The following ADAM23 variants were observed in gnomAD, a reference collection of about 807,000 sequenced individuals.
The protein encoded by ADAM23 is ADAM metallopeptidase domain 23.
ADAM23 carries 33 observed loss-of-function variants against 120.1 expected under a neutral mutation model. The observed-to-expected ratio is 0.27, with a 90% CI of 0.21 to 0.37. The LOEUF (loss-of-function observed/expected upper bound fraction) is 0.37, where lower values mean the gene tolerates loss of function less well. ADAM23 is among the 10% of genes least tolerant of loss of function. The probability of loss-of-function intolerance (pLI) is 1.00; values close to 1 mark genes in which losing one functional copy is unlikely to be tolerated. For missense variants in ADAM23, 862 were observed against 1,058.2 expected (o/e 0.81, Z 2.57); for synonymous variants, 367 against 375.2 (o/e 0.98, Z 0.25).
chr2:206,448,801 G>A (rs1344977698), intron 2 of ADAM23, among the ~76,000 whole-genome samples: 4 of 152,206 alleles, frequency 2.6e-5, no homozygotes, highest in African/African-American at 7.2e-5. Context: ...GAAGATCCTC[G>A]CCCTATGTGT....
intron 3 of ADAM23, among the ~76,000 whole-genome samples, chr2:206,508,531 C>G (rs927817795): frequency 6.6e-6 from 1 of 151,852 alleles, no homozygotes; most frequent in Non-Finnish European, 1.5e-5. Flanking sequence ...TGGCTCACAC[C>G]TGTAGTCGCA....
intron 3 of ADAM23, among the ~76,000 whole-genome samples, chr2:206,497,031 G>GTT (rs1224503956): frequency 6.6e-6 from 1 of 152,076 alleles, no homozygotes; most frequent in Non-Finnish European, 1.5e-5. Context: ...ACCAAAAAAA[G>GTT]TCCAGGACCA....
chr2:206,596,075 A>C lies in ADAM23; in HGVS notation c.2272A>C (p.Ile758Leu). The change falls in exon 24 of 26, where the codon ATT becomes CTT. Residue 758 changes from isoleucine (I) to leucine (L), a missense_variant. Coordinates refer to ENST00000264377, the MANE Select transcript of ADAM23 (RefSeq NM_003812.4). ...GGTGTGTAGTAATGAAGCCACCTGC[A>C]TTTGTGATTTCACCTGGGCAGGGAC... is the stretch of plus-strand genomic sequence containing the variant. ...HGVCSNEATC[I>L]CDFTWAGTDC... The C allele has an allele frequency of 6.2e-7, 1 of 1,613,944 alleles. No individual in the cohort carries two copies. Among genetic ancestry groups the C allele is most frequent in the Non-Finnish European group, 8.5e-7 (1 of 1,179,936 alleles).
rs573630598 is a variant in ADAM23, at chr2:206,537,505, G to A, written c.574-4547G>A. 4.6e-5 allele frequency among the ~76,000 whole-genome samples: 7 copies of A among 152,168 alleles called. No individual in the cohort carries two copies. The East Asian group carries it at 5.8e-4, about 13-fold the overall frequency. On this transcript the variant is annotated intron_variant, in intron 4 of 25. Coordinates refer to ENST00000264377, the MANE Select transcript of ADAM23 (RefSeq NM_003812.4). The stretch of plus-strand genomic sequence containing the variant: ...GGAGTCAGGGTATTTTCAGACACAC[G>A]GGTCTGCCTGTCTTCCCTTTTCTGA...
chr2:206,470,200 T>A (rs1695625135), intron 2 of ADAM23, among the ~76,000 whole-genome samples: 1 of 152,110 alleles, frequency 6.6e-6, no homozygotes, highest in South Asian at 2.1e-4. Flanking sequence ...GCCAACAAGG[T>A]AATATATAAT....
chr2:206,616,984 T>C (rs1010656066), intron 25 of ADAM23, among the ~76,000 whole-genome samples: 1 of 152,168 alleles, frequency 6.6e-6, no homozygotes, highest in African/African-American at 2.4e-5. Flanking sequence ...GTGTCCACTC[T>C]CCTTTGAGTG....
intron 9 of ADAM23, among the ~76,000 whole-genome samples, chr2:206,554,893 G>T (rs376782970): frequency 2.0e-5 from 3 of 152,202 alleles, no homozygotes; most frequent in East Asian, 3.9e-4. Context: ...AGCAATATTG[G>T]ACACAGTTGA....
chr2:206,541,341 A>G (rs1398420656), intron 4 of ADAM23, among the ~76,000 whole-genome samples: 1 of 152,182 alleles, frequency 6.6e-6, no homozygotes, highest in African/African-American at 2.4e-5. Context: ...ATTTAACTAA[A>G]ACTGGTGATA....
chr2:206,600,336 G>A (rs1450993865), intron 24 of ADAM23, among the ~76,000 whole-genome samples: 2 of 152,210 alleles, frequency 1.3e-5, no homozygotes, highest in Non-Finnish European at 2.9e-5. Flanking sequence ...ACCACCCACA[G>A]TGGCCAATCA....
intron 2 of ADAM23, among the ~76,000 whole-genome samples, chr2:206,466,440 A>G (rs1420231807): frequency 1.3e-5 from 2 of 152,226 alleles, no homozygotes; most frequent in Non-Finnish European, 2.9e-5. Flanking sequence ...TTGCTTTACA[A>G]TTGACTTCTA....
intron 3 of ADAM23, among the ~76,000 whole-genome samples, chr2:206,506,908 A>T (rs1445506625): frequency 6.6e-6 from 1 of 152,204 alleles, no homozygotes; most frequent in Non-Finnish European, 1.5e-5. Flanking sequence ...GGTATTTGTC[A>T]AAATTAATTG....
At chr2:206,505,258 T>G (rs2105896226) in intron 3 of ADAM23, among the ~76,000 whole-genome samples, 1 of 152,332 alleles carries the variant, frequency 6.6e-6, no homozygotes, top group Non-Finnish European at 1.5e-5. Flanking sequence ...AAAATAACAC[T>G]AATAATCAAC....
chr2:206,580,566 C>A (rs1007900912), intron 18 of ADAM23, among the ~76,000 whole-genome samples: 3 of 152,152 alleles, frequency 2.0e-5, no homozygotes, highest in Admixed American at 2.0e-4. Flanking sequence ...TGGTACGAAA[C>A]CCACTTGATC....
At chr2:206,524,071 C>T (rs1050729667) in intron 3 of ADAM23, among the ~76,000 whole-genome samples, 1 of 152,020 alleles carries the variant, frequency 6.6e-6, no homozygotes, top group Admixed American at 6.6e-5. Context: ...GATTAGGGCT[C>T]CCAGTACTGA....
intron 2 of ADAM23, among the ~76,000 whole-genome samples, chr2:206,462,672 T>A (rs993236570): frequency 1.3e-5 from 2 of 152,120 alleles, no homozygotes; most frequent in Admixed American, 6.5e-5. Context: ...GTACCCCCAT[T>A]TAAGGATTTG....
At chr2:206,588,196 T>C (rs1698360127) in intron 20 of ADAM23, 42 bp downstream of exon 20, 2 of 1,598,048 alleles carry the variant, frequency 1.3e-6, no homozygotes, top group East Asian at 2.2e-5. Flanking sequence ...CATACCATTT[T>C]CTCTTAATAG....
chr2:206,485,665 T>C (rs1328806526), intron 3 of ADAM23, among the ~76,000 whole-genome samples: 2 of 152,340 alleles, frequency 1.3e-5, no homozygotes, highest in East Asian at 3.9e-4. Flanking sequence ...TGAGTGAGCA[T>C]CTGCTATGTG....
chr2:206,514,232 TA>T (rs758511130), intron 3 of ADAM23, among the ~76,000 whole-genome samples: 2 of 152,192 alleles, frequency 1.3e-5, no homozygotes, highest in Non-Finnish European at 2.9e-5. Flanking sequence ...CTGGGCAAAG[TA>T]AATAGAAAAC....
chr2:206,553,637 GA>G (rs1697581084), intron 9 of ADAM23, among the ~76,000 whole-genome samples: 1 of 151,744 alleles, frequency 6.6e-6, no homozygotes. Context: ...TTTGAGAGCT[GA>G]AAAAAATTTT....
Sources: allele counts gnomAD v4.1 joint callset (sites outside exome capture counted in the v4.1 genomes callset), GRCh38; gene constraint gnomAD v4.1.1; transcripts MANE v1.5; gene names NCBI Gene and HGNC (gene_info 2026-07-23, HGNC 2026-07-21).